The following WDR72 variants were observed in gnomAD, a reference collection of about 807,000 sequenced individuals.
WDR72 encodes WD repeat-containing protein 72.
WDR72 carries 120 observed loss-of-function variants against 124.2 expected under a neutral mutation model. The ratio of observed to expected loss-of-function variants is 0.97; its 90% confidence interval spans 0.83 to 1.12. The LOEUF (loss-of-function observed/expected upper bound fraction) is 1.12, where lower values mean the gene tolerates loss of function less well. WDR72 is among the 50% of genes most tolerant of loss of function. WDR72 has a pLI of 0.00. For synonymous variants in WDR72, 452 were observed against 441.7 expected (o/e 1.02, Z -0.29); for missense variants, 1,387 against 1,278.8 (o/e 1.08, Z -1.29).
chr15:53,583,954 A>T (rs576091557), intron 18 of WDR72, among the ~76,000 whole-genome samples: 3 of 140,032 alleles, frequency 2.1e-5, no homozygotes, highest in South Asian at 2.2e-4. Flanking sequence ...ATTAAATCAA[A>T]TTTTTTTAAA....
At chr15:53,706,373 T>TATATATATATACATAC (rs2017373902) in intron 9 of WDR72, among the ~76,000 whole-genome samples, 3 of 67,338 alleles carry the variant, frequency 4.5e-5, no homozygotes, top group African/African-American at 1.8e-4. Context: ...TATATATATA[T>TATATATATATACATAC]ATATATATAT....
intron 17 of WDR72, among the ~76,000 whole-genome samples, chr15:53,604,660 G>A (rs1388110490): frequency 6.6e-6 from 1 of 152,008 alleles, no homozygotes; most frequent in Non-Finnish European, 1.5e-5. Context: ...TAAAACATGG[G>A]CAAAGGAAAT....
chr15:53,620,701 G>A (rs2013957716), intron 14 of WDR72, among the ~76,000 whole-genome samples: 1 of 152,046 alleles, frequency 6.6e-6, no homozygotes, highest in East Asian at 1.9e-4. Context: ...AATTCTAGAA[G>A]ATAACATTGG....
intron 17 of WDR72, among the ~76,000 whole-genome samples, chr15:53,606,782 C>T (rs1037062522): frequency 3.9e-5 from 6 of 151,986 alleles, no homozygotes; most frequent in Non-Finnish European, 7.4e-5. Context: ...ATGAGCTTTA[C>T]GTCTTCTGGA....
At chr15:53,610,666 G>T (rs936067151) in intron 16 of WDR72, among the ~76,000 whole-genome samples, 1 of 151,904 alleles carries the variant, frequency 6.6e-6, no homozygotes, top group Non-Finnish European at 1.5e-5. Flanking sequence ...GAACATAAAA[G>T]TAATACATAA....
chr15:53,644,837 G>C (rs2014984522), intron 14 of WDR72, among the ~76,000 whole-genome samples: 1 of 152,084 alleles, frequency 6.6e-6, no homozygotes, highest in African/African-American at 2.4e-5. Context: ...GAAGAACATG[G>C]GGAGCTGAGC....
At chr15:53,712,726 A>G (rs1429048697) in intron 7 of WDR72, 46 bp downstream of exon 7, 1 of 1,576,256 alleles carries the variant, frequency 6.3e-7, no homozygotes, top group South Asian at 1.1e-5. Flanking sequence ...AACAAAAAAA[A>G]TTACACTTGT....
intron 13 of WDR72, among the ~76,000 whole-genome samples, chr15:53,676,456 T>C (rs2016175832): frequency 6.6e-6 from 1 of 152,222 alleles, no homozygotes; most frequent in Non-Finnish European, 1.5e-5. Flanking sequence ...AAGTCGAGAT[T>C]TAAAACATTG....
At chr15:53,742,932 A>G (rs2018546802) in intron 1 of WDR72, among the ~76,000 whole-genome samples, 1 of 152,212 alleles carries the variant, frequency 6.6e-6, no homozygotes, top group Non-Finnish European at 1.5e-5. Flanking sequence ...ATAATTATAT[A>G]AACAACCAAA....
chr15:53,543,358 C>A (rs1595747722), intron 18 of WDR72, among the ~76,000 whole-genome samples: 2 of 152,102 alleles, frequency 1.3e-5, no homozygotes, highest in Admixed American at 6.6e-5. Flanking sequence ...AACCGCTCAA[C>A]TACATGGAAA....
intron 1 of WDR72, among the ~76,000 whole-genome samples, chr15:53,737,777 C>T (rs2018399131): frequency 2.6e-5 from 4 of 152,250 alleles, no homozygotes; most frequent in South Asian, 2.1e-4. Flanking sequence ...ATATTAAATA[C>T]TTGAACCACA....
At chr15:53,729,974 C>T (rs924951450) in intron 2 of WDR72, among the ~76,000 whole-genome samples, 1 of 152,072 alleles carries the variant, frequency 6.6e-6, no homozygotes, top group Non-Finnish European at 1.5e-5. Flanking sequence ...AAAATAATTT[C>T]AAAAATAGAA....
rs772575801 is a variant in WDR72 at position 53,637,396 on chromosome 15, G to C, written c.1963-21153C>G. ...GGCTTTCCCCAGAACATTTTTACTT[G>C]TTGTCTGCTTCAAACCTAGGCTGCA... is the stretch of plus-strand genomic sequence containing the variant. On this transcript the variant is annotated intron_variant, in intron 14 of 19. Coordinates refer to ENST00000360509, the MANE Select transcript of WDR72 (RefSeq NM_182758.4). 4.4e-4 allele frequency among the ~76,000 whole-genome samples: 67 copies of C among 152,048 alleles called. 1 individual carries two copies. The highest frequency in any genetic ancestry group is 8.5e-4 in the Non-Finnish European group (58 of 68,008).
At chr15:53,750,385 G>A (rs575048560) in intron 1 of WDR72, among the ~76,000 whole-genome samples, 83 of 152,150 alleles carry the variant, frequency 5.5e-4, no homozygotes, top group Non-Finnish European at 9.9e-4. Flanking sequence ...GAGATCTACT[G>A]CTCAGAAAAA....
At chr15:53,665,511 C>A in intron 14 of WDR72, 61 bp downstream of exon 14, 1 of 1,573,200 alleles carries the variant, frequency 6.4e-7, no homozygotes, top group Non-Finnish European at 8.7e-7. Flanking sequence ...TTTATGAATG[C>A]ATATAACTTC....
At chr15:53,625,503 T>G (rs183535999) in intron 14 of WDR72, among the ~76,000 whole-genome samples, 1 of 152,132 alleles carries the variant, frequency 6.6e-6, no homozygotes, top group Non-Finnish European at 1.5e-5. Flanking sequence ...TTTGGAGAGT[T>G]TGGGAGTAAA....
intron 17 of WDR72, among the ~76,000 whole-genome samples, chr15:53,607,218 C>T (rs2013324061): frequency 1.3e-5 from 2 of 151,828 alleles, no homozygotes; most frequent in Non-Finnish European, 1.5e-5. Context: ...AAGAACCAGT[C>T]CTCTAAGTCA....
In WDR72 at chr15:53,674,600, G is replaced by T. The variant is rs554056207; in HGVS notation, c.1766-8832C>A. Among the ~76,000 whole-genome samples, 4 of 152,206 alleles carry T rather than the reference G, an allele frequency of 2.6e-5. No homozygotes were observed. In the South Asian group the frequency reaches 8.3e-4, roughly 32 times the overall value. On this transcript the variant is annotated intron_variant, in intron 13 of 19. Coordinates refer to ENST00000360509, the MANE Select transcript of WDR72 (RefSeq NM_182758.4). The stretch of plus-strand genomic sequence containing the variant: ...ATGAGTCTTAAAACATTAAATTAGG[G>T]ATAAAGGTACTTACCTTCATTCCTA...
chr15:53,609,022 A>T (rs1259351012), intron 17 of WDR72, among the ~76,000 whole-genome samples: 2 of 152,120 alleles, frequency 1.3e-5, no homozygotes, highest in Non-Finnish European at 2.9e-5. Context: ...TTTCTAACAC[A>T]AAGGACAAAT....
Sources: gnomAD v4.1 joint callset for allele counts (sites outside exome capture counted in the v4.1 genomes callset) on GRCh38, gnomAD v4.1.1 for gene constraint, MANE v1.5 for transcripts, NCBI Gene and HGNC (gene_info 2026-07-23, HGNC 2026-07-21) for gene names.